The following SPNS2 variants were observed in gnomAD, a reference collection of about 807,000 sequenced individuals.
SPNS2 encodes sphingosine-1-phosphate transporter SPNS2.
A neutral mutation model predicts 57.6 loss-of-function variants in SPNS2; 37 were observed. The observed-to-expected ratio is 0.64, with a 90% CI of 0.49 to 0.85. SPNS2 has a LOEUF of 0.85. Ranked by LOEUF, SPNS2 falls within the 40% of genes least tolerant of loss-of-function variation. The pLI, the probability that SPNS2 is intolerant of heterozygous loss-of-function variation, is 0.00. For synonymous variants in SPNS2, 440 were observed against 346.9 expected, an observed-to-expected ratio of 1.27 and a Z score of -2.98; for missense variants, 831 against 779.1, an observed-to-expected ratio of 1.07 and a Z score of -0.79.
chr17:4,503,366 A>G (rs1453037279), intron 1 of SPNS2, among the ~76,000 whole-genome samples: 1 of 152,164 alleles, frequency 6.6e-6, no homozygotes, highest in Non-Finnish European at 1.5e-5. Context: ...TCCTGCTCCT[A>G]TGGTCCCTAG....
At chr17:4,503,997 T>C (rs1904604440) in intron 1 of SPNS2, among the ~76,000 whole-genome samples, 1 of 150,590 alleles carries the variant, frequency 6.6e-6, no homozygotes, top group African/African-American at 2.4e-5. Context: ...TTTTTTTTTT[T>C]GGTCTGTCCT....
rs1481135358 is a variant in SPNS2 at position 4,498,990 on chromosome 17, C to T, written c.-58C>T. 4 of 965,268 alleles carry T rather than the reference C, an allele frequency of 4.1e-6. No homozygotes were observed. The highest frequency in any genetic ancestry group is 3.7e-6 in the Non-Finnish European group (3 of 811,700). 59.8% of individuals were successfully genotyped at this position (965,268 alleles called of 1,614,324 possible). On this transcript the variant is annotated 5_prime_UTR_variant, in exon 1 of 13. Transcript: ENST00000329078. ...CTCCGCGGCGCACGCACGCGCTGAG[C>T]GGGCCCAGCCTGGGCCCCGCGCCCC...
chr17:4,523,873 A>G (rs1905201623), intron 2 of SPNS2, among the ~76,000 whole-genome samples: 1 of 152,094 alleles, frequency 6.6e-6, no homozygotes, highest in African/African-American at 2.4e-5. Context: ...TTATTTCTTT[A>G]TTGTCTATTT....
chr17:4,513,059 G>A (rs1479942587), intron 1 of SPNS2, among the ~76,000 whole-genome samples, 188 bp from the exon 2 acceptor site: 2 of 152,216 alleles, frequency 1.3e-5, no homozygotes, highest in African/African-American at 4.8e-5. Context: ...AACAGGCTGA[G>A]GACAGGAGGT....
Position 4,529,776 on chromosome 17 carries a change from G to A in SPNS2, c.574-856G>A, listed in dbSNP as rs961121439. On this transcript the variant is annotated intron_variant, in intron 3 of 12. Coordinates refer to ENST00000329078, the MANE Select transcript of SPNS2 (RefSeq NM_001124758.3). ...GATTCCCAGGAAGAGAAACAGAGGCGAGGAGCTAAGGGCAAATGGGGAGAT... is the reference window on the plus strand; with the variant it reads ...GATTCCCAGGAAGAGAAACAGAGGCAAGGAGCTAAGGGCAAATGGGGAGAT... 2.0e-5 allele frequency among the ~76,000 whole-genome samples: 3 copies of A among 152,306 alleles called. No individual in the cohort carries two copies. The East Asian group carries it at 5.8e-4, about 29-fold the overall frequency.
rs151100210 is a variant in SPNS2 at position 4,522,389 on chromosome 17, C to T, written c.437-2668C>T. On this transcript the variant is annotated intron_variant, in intron 2 of 12. Coordinates refer to ENST00000329078, the MANE Select transcript of SPNS2 (RefSeq NM_001124758.3). ...AGTGTGCCTCATGCCCGGATTTGTG[C>T]ACCCGCATGCTGATTCTCCCCAAGG... Among the ~76,000 whole-genome samples the T allele has an allele frequency of 3.0e-3, 463 of 152,188 alleles. 4 individuals are homozygous for T. The highest frequency in any genetic ancestry group is 0.011 in the African/African-American group (436 of 41,494).
chr17:4,535,625 T>G (rs1424339022), intron 9 of SPNS2, among the ~76,000 whole-genome samples: 1 of 152,116 alleles, frequency 6.6e-6, no homozygotes, highest in Non-Finnish European at 1.5e-5. Flanking sequence ...TCTGGGCTAA[T>G]GGCCTCTAGT....
At chr17:4,518,076 A>G (rs544408818) in intron 2 of SPNS2, among the ~76,000 whole-genome samples, 31 of 152,338 alleles carry the variant, frequency 2.0e-4, no homozygotes, top group African/African-American at 7.5e-4. Flanking sequence ...CCCATTGGCC[A>G]TGGGTTGGCG....
intron 2 of SPNS2, among the ~76,000 whole-genome samples, chr17:4,523,111 T>C (rs1479544723): frequency 1.3e-5 from 2 of 152,242 alleles, no homozygotes; most frequent in African/African-American, 4.8e-5. Context: ...CTCCTCCAGG[T>C]CCTGGCTGAA....
In SPNS2 at chr17:4,528,108, C is replaced by T. The variant is rs181063337; in HGVS notation, c.574-2524C>T. ...CACAATCTGGGTTCACTGCAACCTC[C>T]GCCTCCCGGGTTCAAGCGATTCTCC... On this transcript the variant is annotated intron_variant, in intron 3 of 12. Coordinates refer to ENST00000329078, the MANE Select transcript of SPNS2 (RefSeq NM_001124758.3). 3.5e-3 allele frequency among the ~76,000 whole-genome samples: 527 copies of T among 151,526 alleles called. 6 individuals carry two copies. The highest frequency in any genetic ancestry group is 0.012 in the African/African-American group (483 of 41,316).
Position 4,536,925 on chromosome 17 carries a change from G to C in SPNS2, c.1633G>C (p.Ala545Pro), listed in dbSNP as rs201619719. The C allele has an allele frequency of 1.9e-6, 3 of 1,613,598 alleles. No homozygotes were observed. In the South Asian group the frequency reaches 3.3e-5, roughly 18 times the overall value. ...QQVNQLAMPP[A>P]SVKV ...GGTGAACCAGCTGGCGATGCCGCCC[G>C]CATCTGTGAAAGTCTGAGGTGGTGA... Residue 545 changes from alanine to proline, a missense_variant, in exon 12 of 13, where the codon GCA becomes CCA. This residue lies in a region of SPNS2 where 526 missense variants were observed against 400.9 expected (regional missense o/e 1.31). Coordinates refer to ENST00000329078, the MANE Select transcript of SPNS2 (RefSeq NM_001124758.3).
rs1597369349 is a variant in SPNS2, at chr17:4,532,560, A to G, written c.811A>G (p.Met271Val). The G allele has an allele frequency of 6.2e-7, 1 of 1,614,136 alleles. No homozygotes were observed. The highest frequency in any genetic ancestry group is 1.1e-5 in the South Asian group (1 of 91,080). ...CTGGCAGGTGTCCCCTGTCCTGGGC[A>G]TGATCACAGGAACACTCATCCTCAT... ...WALRVSPVLG[M>V]ITGTLILILV... The change falls in exon 6 of 13, where the codon ATG (methionine) becomes GTG (valine). Residue 271 changes from methionine to valine, a missense_variant. Transcript: ENST00000329078.
rs10521140 is a variant in SPNS2 at position 4,538,014 on chromosome 17, C to A, written c.*566C>A. Reference sequence around the variant, plus strand: ...GGACCTTGGGGATATTGGACGCAACCTGGCAAATGAAGCTGGGCGCCCAAG... The same window carrying A: ...GGACCTTGGGGATATTGGACGCAACATGGCAAATGAAGCTGGGCGCCCAAG... On this transcript the variant is annotated 3_prime_UTR_variant, in exon 13 of 13. Transcript: ENST00000329078. 0.18 allele frequency: 61,923 copies of A among 351,048 alleles called. 7,217 individuals are homozygous for A. The highest frequency in any genetic ancestry group is 0.53 in the East Asian group (7,095 of 13,310). The allele number at this position is 351,048 out of a possible 1,614,324, so 21.7% of individuals were successfully genotyped here. A position where few individuals can be genotyped will look rare whatever the true frequency, so the allele number is the denominator to read the frequency against.
Position 4,533,413 on chromosome 17 carries a change from G to A in SPNS2, c.1259G>A (p.Ser420Asn). Reference sequence around the variant, plus strand: ...TGCCTGATCTTCGTGGCTGCCAAGAGCAGCATCGTAGGAGCCTATGTGAGT... The same window carrying A: ...TGCCTGATCTTCGTGGCTGCCAAGAACAGCATCGTAGGAGCCTATGTGAGT... ...FICLIFVAAK[S>N]SIVGAYICIF... The change falls in exon 8 of 13, where the codon AGC becomes AAC. Residue 420 changes from serine (S) to asparagine (N), a missense_variant. By Grantham distance (46) the Ser-to-Asn change is conservative. Around this residue, in one of 2 missense-constraint regions of SPNS2, gnomAD observed 526 missense variants for 400.9 expected, o/e 1.31. Coordinates refer to ENST00000329078, the MANE Select transcript of SPNS2 (RefSeq NM_001124758.3). 1 of 1,606,696 alleles carries A rather than the reference G, an allele frequency of 6.2e-7. No homozygotes were observed. The highest frequency in any genetic ancestry group is 8.5e-7 in the Non-Finnish European group (1 of 1,177,048).
intron 2 of SPNS2, among the ~76,000 whole-genome samples, chr17:4,524,607 C>A (rs1436649284): frequency 6.6e-6 from 1 of 152,174 alleles, no homozygotes; most frequent in Non-Finnish European, 1.5e-5. Flanking sequence ...TTGCTTGAAC[C>A]CAGGAGATGG....
At chr17:4,520,309 C>G (rs906676886) in intron 2 of SPNS2, among the ~76,000 whole-genome samples, 1 of 152,166 alleles carries the variant, frequency 6.6e-6, no homozygotes, top group African/African-American at 2.4e-5. Flanking sequence ...AAGTGAGGAG[C>G]CAGAAACCAG....
intron 1 of SPNS2, among the ~76,000 whole-genome samples, chr17:4,509,141 G>T (rs1194423653): frequency 1.3e-5 from 2 of 152,230 alleles, no homozygotes; most frequent in Non-Finnish European, 2.9e-5. Flanking sequence ...CAGGGAATGG[G>T]GACCCAGTGG....
chr17:4,525,271 AAGAATCC>A, intron 3 of SPNS2, 78 bp downstream of exon 3: 2 of 1,559,992 alleles, frequency 1.3e-6, no homozygotes, highest in Non-Finnish European at 1.7e-6. Flanking sequence ...TGGCCTGTTG[AAGAATCC>A]AGCCCAGGGC....
chr17:4,533,039 G>T lies in SPNS2; in HGVS notation c.998G>T (p.Gly333Val), dbSNP rs1422217694. ...SAVSFATGAL[G>V]MWIPLYLHRA... ...GTCTCCTTCGCCACGGGGGCCCTGG[G>T]CATGTGGATCCCGCTCTACCTGCAC... The change falls in exon 7 of 13, where the codon GGC becomes GTC. Residue 333 changes from glycine (G) to valine (V), a missense_variant. Coordinates refer to ENST00000329078, the MANE Select transcript of SPNS2 (RefSeq NM_001124758.3). 5.6e-6 allele frequency: 9 copies of T among 1,613,270 alleles called. No homozygotes were observed. The highest frequency in any genetic ancestry group is 6.8e-6 in the Non-Finnish European group (8 of 1,179,990).
Sources: allele counts gnomAD v4.1 joint callset (sites outside exome capture counted in the v4.1 genomes callset), GRCh38; gene constraint gnomAD v4.1.1; regional missense constraint gnomAD v4.1.1; transcripts MANE v1.5; gene names NCBI Gene and HGNC (gene_info 2026-07-23, HGNC 2026-07-21).